SLC14A2: variants seen among roughly 807,000 people sequenced by gnomAD.
The protein encoded by SLC14A2 is urea transporter 2.
A neutral mutation model predicts 104.6 loss-of-function variants in SLC14A2; 91 were observed. The observed-to-expected ratio is 0.87, with a 90% CI of 0.73 to 1.04. The LOEUF is 1.04. Among genes scored for constraint, SLC14A2 ranks in the 50% least tolerant of loss-of-function variants. The pLI is 0.00. For missense variants in SLC14A2, 1,189 were observed against 1,156.0 expected, an observed-to-expected ratio of 1.03 and a Z score of -0.41; for synonymous variants, 476 against 466.4, an observed-to-expected ratio of 1.02 and a Z score of -0.27.
At chr18:45,671,489 G>A (rs1366749243) in intron 16 of SLC14A2, among the ~76,000 whole-genome samples, 3 of 152,120 alleles carry the variant, frequency 2.0e-5, no homozygotes, top group Non-Finnish European at 4.4e-5. Flanking sequence ...AGTCCCCACG[G>A]CTTCCTCTGC....
At chr18:45,559,446 G>A (rs1481003013) in intron 2 of SLC14A2, among the ~76,000 whole-genome samples, 1 of 152,198 alleles carries the variant, frequency 6.6e-6, no homozygotes, top group African/African-American at 2.4e-5. Context: ...TGCTCACTCA[G>A]CAGAAAGGAG....
At chr18:45,454,859 C>T (rs2086916028) in intron 1 of SLC14A2, among the ~76,000 whole-genome samples, 1 of 152,218 alleles carries the variant, frequency 6.6e-6, no homozygotes, top group African/African-American at 2.4e-5. Context: ...TTCCATTGGT[C>T]TATATATCTG....
intron 1 of SLC14A2, among the ~76,000 whole-genome samples, chr18:45,414,728 T>C (rs1185075439): frequency 1.7e-5 from 2 of 119,864 alleles, no homozygotes; most frequent in Non-Finnish European, 3.3e-5. Context: ...CCAGGTGCGG[T>C]GCAAGGCACC....
rs546952752 is a variant in SLC14A2 at position 45,668,572 on chromosome 18, G to A, written c.2036+95G>A. 876 of 1,391,622 alleles carry A rather than the reference G, an allele frequency of 6.3e-4. 1 individual carries two copies. The highest frequency in any genetic ancestry group is 4.8e-3 in the African/African-American group (340 of 70,854). The allele number at this position is 1,391,622 out of a possible 1,614,324, so 86.2% of individuals were successfully genotyped here. A position where few individuals can be genotyped will look rare whatever the true frequency, so the allele number is the denominator to read the frequency against. On this transcript the variant is annotated intron_variant, in intron 15 of 19. Coordinates refer to ENST00000255226, the MANE Select transcript of SLC14A2 (RefSeq NM_007163.4). ...CCGTCTGTCTAAACGTGATATTAAA[G>A]TGGCATGTATTTAGCTTGCACATCA...
At chr18:45,592,363 C>T (rs1358481534) in intron 2 of SLC14A2, among the ~76,000 whole-genome samples, 1 of 152,158 alleles carries the variant, frequency 6.6e-6, no homozygotes, top group Non-Finnish European at 1.5e-5. Flanking sequence ...ATTCTGATGT[C>T]ATTGTTGCCA....
At chr18:45,450,450 G>A (rs1405786920) in intron 1 of SLC14A2, among the ~76,000 whole-genome samples, 1 of 152,170 alleles carries the variant, frequency 6.6e-6, no homozygotes, top group Non-Finnish European at 1.5e-5. Flanking sequence ...GCTGGTAGCA[G>A]CAGGGATGGG....
intron 1 of SLC14A2, among the ~76,000 whole-genome samples, chr18:45,242,691 T>C (rs2084330015): frequency 6.6e-6 from 1 of 152,228 alleles, no homozygotes; most frequent in Non-Finnish European, 1.5e-5. Flanking sequence ...TATCTAAAAT[T>C]GTAAAGAAAT....
intron 1 of SLC14A2, among the ~76,000 whole-genome samples, chr18:45,263,553 G>C (rs1452637093): frequency 6.6e-6 from 1 of 152,150 alleles, no homozygotes. Context: ...GATCTTGCCT[G>C]TACCAATTCT....
intron 1 of SLC14A2, among the ~76,000 whole-genome samples, chr18:45,468,256 A>G (rs949433633): frequency 7.2e-5 from 11 of 152,186 alleles, no homozygotes; most frequent in Admixed American, 5.9e-4. Context: ...AGGAGGATAG[A>G]GTGGAGCCAT....
At chr18:45,237,565 G>A (rs773259007) in intron 1 of SLC14A2, among the ~76,000 whole-genome samples, 16 of 152,260 alleles carry the variant, frequency 1.1e-4, no homozygotes, top group Non-Finnish European at 4.4e-5. Flanking sequence ...TGGAGTGGTG[G>A]CGAATCGTAA....
chr18:45,516,083 T>C (rs1373679412), intron 2 of SLC14A2, among the ~76,000 whole-genome samples: 1 of 152,228 alleles, frequency 6.6e-6, no homozygotes, highest in Non-Finnish European at 1.5e-5. Flanking sequence ...TTTGAACTTT[T>C]AACTGGAGAG....
At chr18:45,302,401 C>T (rs1365133518) in intron 1 of SLC14A2, among the ~76,000 whole-genome samples, 1 of 152,198 alleles carries the variant, frequency 6.6e-6, no homozygotes, top group Non-Finnish European at 1.5e-5. Flanking sequence ...TTTCCAATGA[C>T]TTCATTCTGT....
chr18:45,269,435 G>T (rs1233504780), intron 1 of SLC14A2, among the ~76,000 whole-genome samples: 2 of 151,946 alleles, frequency 1.3e-5, no homozygotes, highest in African/African-American at 4.8e-5. Context: ...TAGTGCTAAT[G>T]TCCACAGCCC....
intron 1 of SLC14A2, among the ~76,000 whole-genome samples, chr18:45,401,321 A>T (rs1188216689): frequency 6.6e-6 from 1 of 152,210 alleles, no homozygotes; most frequent in East Asian, 1.9e-4. Context: ...CCCACCCAAA[A>T]CAATAGGTGC....
At chr18:45,671,565 G>A (rs934941927) in intron 16 of SLC14A2, among the ~76,000 whole-genome samples, 1 of 151,994 alleles carries the variant, frequency 6.6e-6, no homozygotes, top group Non-Finnish European at 1.5e-5. Context: ...CCATGCTGCT[G>A]CTTCTGTATG....
chr18:45,472,557 T>C (rs930318978), intron 1 of SLC14A2, among the ~76,000 whole-genome samples: 1 of 152,206 alleles, frequency 6.6e-6, no homozygotes, highest in Non-Finnish European at 1.5e-5. Context: ...GACTTTTTAA[T>C]GATAGCCATT....
the SLC14A2 span, among the ~76,000 whole-genome samples, chr18:45,189,028 A>G: frequency 6.6e-6 from 1 of 152,190 alleles, no homozygotes; most frequent in South Asian, 2.1e-4. Context: ...AGTTTGTTAC[A>G]TGCCTTTTCC....
At chr18:45,240,206 C>T (rs1271287145) in intron 1 of SLC14A2, among the ~76,000 whole-genome samples, 1 of 148,654 alleles carries the variant, frequency 6.7e-6, no homozygotes, top group Non-Finnish European at 1.5e-5. Context: ...AAGCGATTCT[C>T]CTGTCTCAGC....
intron 1 of SLC14A2, among the ~76,000 whole-genome samples, chr18:45,310,861 C>A (rs1469664840): frequency 6.6e-6 from 1 of 152,118 alleles, no homozygotes; most frequent in African/African-American, 2.4e-5. Flanking sequence ...AGCGGGGTTA[C>A]TAGAGCAGTT....
Sources: allele counts gnomAD v4.1 joint callset (sites outside exome capture counted in the v4.1 genomes callset), GRCh38; gene constraint gnomAD v4.1.1; transcripts MANE v1.5; gene names NCBI Gene and HGNC (gene_info 2026-07-23, HGNC 2026-07-21).